The following LSAMP variants were observed in gnomAD, a reference collection of about 807,000 sequenced individuals.
The protein encoded by LSAMP is limbic system associated membrane protein.
In LSAMP, 7 loss-of-function variants were observed where a neutral mutation model predicts 38.6. That is an observed-to-expected ratio of 0.18 (90% CI 0.10 to 0.34). The LOEUF is 0.34. LSAMP is among the 10% of genes least tolerant of loss of function. LSAMP has a pLI of 1.00. For synonymous variants in LSAMP, 154 were observed against 166.8 expected (o/e 0.92, Z 0.59); for missense variants, 313 against 420.0 (o/e 0.75, Z 2.23).
intron 1 of LSAMP, among the ~76,000 whole-genome samples, chr3:116,325,150 G>A (rs1410797426): frequency 6.6e-6 from 1 of 150,778 alleles, no homozygotes; most frequent in African/African-American, 2.4e-5. Flanking sequence ...ATATACTAGA[G>A]ATGAGGTCTC....
At chr3:116,145,601 A>C (rs1375217213) in intron 1 of LSAMP, among the ~76,000 whole-genome samples, 4 of 151,972 alleles carry the variant, frequency 2.6e-5, no homozygotes, top group East Asian at 1.9e-4. Flanking sequence ...GATCCCCCCC[A>C]AAAAATACCT....
intron 1 of LSAMP, among the ~76,000 whole-genome samples, chr3:116,433,679 G>T (rs1051673957): frequency 6.6e-6 from 1 of 152,154 alleles, no homozygotes. Flanking sequence ...CGGTGGAGAT[G>T]AATATACCTG....
At chr3:116,219,994 G>C (rs2046262830) in intron 1 of LSAMP, among the ~76,000 whole-genome samples, 1 of 152,118 alleles carries the variant, frequency 6.6e-6, no homozygotes, top group African/African-American at 2.4e-5. Context: ...GGGGAAAATG[G>C]TGAAGTCCTG....
intron 1 of LSAMP, among the ~76,000 whole-genome samples, chr3:116,218,990 C>A (rs1177396615): frequency 6.6e-6 from 1 of 152,174 alleles, no homozygotes; most frequent in Non-Finnish European, 1.5e-5. Context: ...ATTCTCTTAA[C>A]AAATTTTAAG....
At chr3:116,438,724 T>G (rs537935089) in intron 1 of LSAMP, among the ~76,000 whole-genome samples, 2 of 152,232 alleles carry the variant, frequency 1.3e-5, no homozygotes, top group Non-Finnish European at 2.9e-5. Flanking sequence ...AGAACAGTTC[T>G]GTACCTTGTC....
intron 1 of LSAMP, among the ~76,000 whole-genome samples, chr3:116,279,319 C>T (rs1431269771): frequency 6.6e-6 from 1 of 152,144 alleles, no homozygotes; most frequent in Non-Finnish European, 1.5e-5. Context: ...GCAAAATGGC[C>T]TCCTTCTCAC....
intron 1 of LSAMP, among the ~76,000 whole-genome samples, chr3:116,355,549 T>C (rs1033197152): frequency 1.3e-5 from 2 of 152,112 alleles, no homozygotes. Context: ...TGAGTAATAC[T>C]CCAAAAGCAC....
intron 2 of LSAMP, among the ~76,000 whole-genome samples, chr3:116,040,002 G>GA (rs369232561): frequency 4.6e-5 from 7 of 151,708 alleles, no homozygotes; most frequent in African/African-American, 9.7e-5. Flanking sequence ...TTTGGGGGGG[G>GA]AAAAAAACTG....
At chr3:115,883,015 A>G (rs1936361162) in intron 3 of LSAMP, among the ~76,000 whole-genome samples, 2 of 152,112 alleles carry the variant, frequency 1.3e-5, no homozygotes, top group Admixed American at 6.6e-5. Context: ...TTCCATATAG[A>G]TAACTATATG....
At chr3:116,403,713 T>C (rs1036505356) in intron 1 of LSAMP, among the ~76,000 whole-genome samples, 4 of 152,050 alleles carry the variant, frequency 2.6e-5, no homozygotes, top group Non-Finnish European at 4.4e-5. Context: ...TTAACCACAC[T>C]AAAAGTTGCA....
At chr3:116,433,786 C>G (rs1286081537) in intron 1 of LSAMP, among the ~76,000 whole-genome samples, 1 of 152,084 alleles carries the variant, frequency 6.6e-6, no homozygotes, top group Non-Finnish European at 1.5e-5. Context: ...ACCTAGCTCT[C>G]CAGGAAGGTA....
chr3:116,089,257 C>T (rs1248103530), intron 1 of LSAMP, among the ~76,000 whole-genome samples: 2 of 152,226 alleles, frequency 1.3e-5, no homozygotes, highest in Admixed American at 6.5e-5. Flanking sequence ...ATTTACATAG[C>T]ACCTTGTTTT....
intron 1 of LSAMP, among the ~76,000 whole-genome samples, chr3:116,278,253 G>A (rs2047080350): frequency 6.6e-6 from 1 of 152,048 alleles, no homozygotes; most frequent in Admixed American, 6.6e-5. Context: ...TGATTTAAGA[G>A]CTATTGTCAC....
intron 1 of LSAMP, among the ~76,000 whole-genome samples, chr3:116,266,229 A>AGCAGGATGCTTGTGTATG (rs1433948849): frequency 6.6e-6 from 1 of 152,208 alleles, no homozygotes; most frequent in Admixed American, 6.5e-5. Context: ...ACTAATTAAA[A>AGCAGGATGCTTGTGTATG]GCAGGATGCT....
At chr3:116,174,123 G>C (rs1710277191) in intron 1 of LSAMP, among the ~76,000 whole-genome samples, 1 of 151,848 alleles carries the variant, frequency 6.6e-6, no homozygotes, top group Non-Finnish European at 1.5e-5. Context: ...TTAATATTAT[G>C]ACCCAAAAGA....
chr3:116,017,228 T>C (rs1330013161), intron 3 of LSAMP, among the ~76,000 whole-genome samples: 1 of 152,124 alleles, frequency 6.6e-6, no homozygotes, highest in Non-Finnish European at 1.5e-5. Flanking sequence ...AAGGAATCTA[T>C]CTTTAAGTTC....
chr3:115,942,640 A>G (rs888434653), intron 3 of LSAMP, among the ~76,000 whole-genome samples: 1 of 152,194 alleles, frequency 6.6e-6, no homozygotes, highest in African/African-American at 2.4e-5. Context: ...TTTAGTATGT[A>G]CTAGATATCT....
At chr3:115,815,536 A>G (rs1352689238) in intron 6 of LSAMP, among the ~76,000 whole-genome samples, 1 of 152,240 alleles carries the variant, frequency 6.6e-6, no homozygotes, top group African/African-American at 2.4e-5. Flanking sequence ...CATCTGTTTC[A>G]TCAACACAGC....
intron 3 of LSAMP, among the ~76,000 whole-genome samples, chr3:115,931,598 A>T (rs1374566278): frequency 6.6e-6 from 1 of 151,972 alleles, no homozygotes; most frequent in East Asian, 1.9e-4. Context: ...CCTTGTCATG[A>T]CCTATCTTTA....
Sources: allele counts gnomAD v4.1 joint callset (sites outside exome capture counted in the v4.1 genomes callset), GRCh38; gene constraint gnomAD v4.1.1; transcripts MANE v1.5; gene names NCBI Gene and HGNC (gene_info 2026-07-23, HGNC 2026-07-21).